Variants in FBXL13 observed in about 807,000 individuals in gnomAD.
The protein encoded by FBXL13 is F-box and leucine-rich repeat protein 13.
Under a neutral mutation model 83.6 loss-of-function variants are expected in FBXL13, and 67 were observed. The observed-to-expected ratio is 0.80, with a 90% CI of 0.66 to 0.98. The LOEUF is 0.98. Among genes scored for constraint, FBXL13 ranks in the 50% least tolerant of loss-of-function variants. The pLI, the probability that FBXL13 is intolerant of heterozygous loss-of-function variation, is 0.00. For missense variants in FBXL13, 822 were observed against 866.5 expected (o/e 0.95, Z 0.64); for synonymous variants, 272 against 299.5 (o/e 0.91, Z 0.95).
chr7:103,007,178 G>C (rs1791076784), intron 6 of FBXL13, among the ~76,000 whole-genome samples: 1 of 151,946 alleles, frequency 6.6e-6, no homozygotes, highest in Non-Finnish European at 1.5e-5. Flanking sequence ...AAATAGCTGA[G>C]GAAATAATGG....
intron 8 of FBXL13, among the ~76,000 whole-genome samples, chr7:102,954,400 C>A (rs1823918773): frequency 6.6e-6 from 1 of 152,152 alleles, no homozygotes; most frequent in Non-Finnish European, 1.5e-5. Context: ...AAGCACTAAA[C>A]ATGGAAAGAA....
At chr7:102,873,734 A>G (rs1434672664) in intron 16 of FBXL13, among the ~76,000 whole-genome samples, 1 of 152,134 alleles carries the variant, frequency 6.6e-6, no homozygotes, top group Non-Finnish European at 1.5e-5. Flanking sequence ...CCTCTCAAAC[A>G]TCATCTCTCA....
chr7:102,893,807 A>G, intron 11 of FBXL13, among the ~76,000 whole-genome samples: 2 of 137,660 alleles, frequency 1.5e-5, no homozygotes. Context: ...AAGGATGAGG[A>G]GGGAATGGGG....
At chr7:103,055,329 C>T (rs190346551) in intron 2 of FBXL13, among the ~76,000 whole-genome samples, 151 bp from the exon 3 acceptor site, 88 of 152,292 alleles carry the variant, frequency 5.8e-4, no homozygotes, top group Non-Finnish European at 1.0e-3. Context: ...ACCTGGAGGA[C>T]TTTTTCAAAC....
At chr7:102,935,226 C>CTT (rs201080434) in intron 8 of FBXL13, among the ~76,000 whole-genome samples, 1 of 131,378 alleles carries the variant, frequency 7.6e-6, no homozygotes, top group Non-Finnish European at 1.6e-5. Context: ...GCTCATGCTC[C>CTT]TTTTTTTTTT....
chr7:103,027,274 C>T (rs776703750), intron 5 of FBXL13, among the ~76,000 whole-genome samples, 175 bp downstream of exon 6: 1 of 151,686 alleles, frequency 6.6e-6, no homozygotes. Context: ...CCAGCCTGGA[C>T]AACAAGAGCA....
chr7:102,957,586 A>C (rs937965135), intron 8 of FBXL13, among the ~76,000 whole-genome samples: 1 of 152,192 alleles, frequency 6.6e-6, no homozygotes, highest in African/African-American at 2.4e-5. Flanking sequence ...CTGCCATCAG[A>C]GTGAATAGGC....
chr7:102,994,618 G>T (rs1406514682), intron 6 of FBXL13, among the ~76,000 whole-genome samples: 1 of 152,086 alleles, frequency 6.6e-6, no homozygotes, highest in Non-Finnish European at 1.5e-5. Context: ...GGAAACAAAA[G>T]ATACATTAAA....
intron 17 of FBXL13, among the ~76,000 whole-genome samples, chr7:102,835,452 T>C (rs77421306): frequency 0.01 from 1,543 of 152,272 alleles, 28 homozygotes; most frequent in African/African-American, 0.035. Flanking sequence ...ATCTGCTAGC[T>C]TTCATATCCC....
intron 8 of FBXL13, among the ~76,000 whole-genome samples, chr7:102,938,242 T>C (rs942159036): frequency 6.6e-5 from 10 of 152,232 alleles, no homozygotes; most frequent in Non-Finnish European, 1.3e-4. Flanking sequence ...TTTAAGGAGT[T>C]ATTTTACTTC....
chr7:102,839,454 T>C (rs1481250909), intron 17 of FBXL13, among the ~76,000 whole-genome samples: 2 of 152,228 alleles, frequency 1.3e-5, no homozygotes, highest in Non-Finnish European at 2.9e-5. Flanking sequence ...TCTCAGTCTC[T>C]CGTCCCACCT....
chr7:103,060,549 G>A (rs1233882639), intron 1 of FBXL13, among the ~76,000 whole-genome samples: 1 of 152,086 alleles, frequency 6.6e-6, no homozygotes, highest in Admixed American at 6.6e-5. Context: ...GCATTTAGGG[G>A]AAAATGGCTA....
chr7:102,959,715 T>G (rs1824876229), intron 8 of FBXL13, among the ~76,000 whole-genome samples: 1 of 151,998 alleles, frequency 6.6e-6, no homozygotes, highest in African/African-American at 2.4e-5. Flanking sequence ...TCTCAAAGGA[T>G]ATATAGGTTA....
chr7:102,877,585 T>A, exon 16 of FBXL13: 1 of 1,606,650 alleles, frequency 6.2e-7, no homozygotes, highest in Non-Finnish European at 8.5e-7. Flanking sequence ...GTAGTTTAAA[T>A]TAGGGCAGCT....
chr7:102,883,154 T>C (rs1016452258), intron 14 of FBXL13, 151 bp downstream of exon 15: 3 of 648,508 alleles, frequency 4.6e-6, no homozygotes, highest in Non-Finnish European at 6.9e-6. Context: ...CCCTCTTTCT[T>C]ATAACTACAG....
At chr7:102,841,120 GGT>G (rs1156904890) in intron 17 of FBXL13, among the ~76,000 whole-genome samples, 1 of 152,130 alleles carries the variant, frequency 6.6e-6, no homozygotes, top group Non-Finnish European at 1.5e-5. Context: ...GCAAAGCCTA[GGT>G]GTGTCACATA....
rs748490864 is a variant in FBXL13 at position 103,025,122 on chromosome 7, G to A, written c.436C>T (p.Leu146Phe). ...TCACATTTTAGAGTCTCATCTACAA[G>A]AAAGACTTCAGAAGAACTTCGTTCA... The change falls in exon 6 of 20, where the codon CTT becomes TTT. Residue 146 changes from leucine to phenylalanine, a missense_variant. Leu to Phe is a conservative substitution (Grantham distance 22). Coordinates refer to ENST00000313221, the Ensembl canonical transcript of FBXL13. 3.4e-4 allele frequency: 556 copies of A among 1,612,562 alleles called. No homozygotes were observed. Among genetic ancestry groups the A allele is most frequent in the Non-Finnish European group, 4.5e-4 (535 of 1,179,380 alleles).
chr7:103,030,651 GTATAT>G (rs143645596), intron 2 of FBXL13, among the ~76,000 whole-genome samples: 6,005 of 152,166 alleles, frequency 0.039, 162 homozygotes, highest in Middle Eastern at 0.092. Context: ...AAAAATATGA[GTATAT>G]TATATGACCA....
intron 18 of FBXL13, among the ~76,000 whole-genome samples, chr7:102,824,785 CTTT>C (rs57237364): frequency 0.22 from 27,795 of 123,692 alleles, 3,388 homozygotes; most frequent in African/African-American, 0.35. Flanking sequence ...CATGCCCGGC[CTTT>C]TTTTTTTTTT....
Sources: allele counts gnomAD v4.1 joint callset (sites outside exome capture counted in the v4.1 genomes callset), GRCh38; gene constraint gnomAD v4.1.1; transcripts MANE v1.5; gene names NCBI Gene and HGNC (gene_info 2026-07-23, HGNC 2026-07-21).